The following RTN4RL1 variants were observed in gnomAD, a reference collection of about 807,000 sequenced individuals.
RTN4RL1 encodes the protein reticulon 4 receptor like 1.
RTN4RL1 carries 7 observed loss-of-function variants against 25.6 expected under a neutral mutation model. The observed-to-expected ratio is 0.27, with a 90% CI of 0.16 to 0.51. The LOEUF (loss-of-function observed/expected upper bound fraction) is 0.51, where lower values mean the gene tolerates loss of function less well. Ranked by LOEUF, RTN4RL1 falls within the 20% of genes least tolerant of loss-of-function variation. The pLI, the probability that RTN4RL1 is intolerant of heterozygous loss-of-function variation, is 0.97. For missense variants in RTN4RL1, 500 were observed against 615.6 expected, an observed-to-expected ratio of 0.81 and a Z score of 1.99; for synonymous variants, 297 against 288.2, an observed-to-expected ratio of 1.03 and a Z score of -0.31.
intron 1 of RTN4RL1, among the ~76,000 whole-genome samples, chr17:1,993,227 G>A (rs1266307506): frequency 6.6e-6 from 1 of 152,118 alleles, no homozygotes; most frequent in African/African-American, 2.4e-5. Context: ...CAGCCTGGGT[G>A]ACAGAGCGAA....
chr17:1,953,188 G>A (rs546112919), intron 1 of RTN4RL1, among the ~76,000 whole-genome samples: 2 of 152,102 alleles, frequency 1.3e-5, no homozygotes, highest in South Asian at 4.1e-4. Flanking sequence ...TGGGAGGATT[G>A]TTTGAGCCCA....
intron 1 of RTN4RL1, among the ~76,000 whole-genome samples, chr17:1,957,647 C>T (rs1367701127): frequency 2.0e-5 from 3 of 151,698 alleles, no homozygotes; most frequent in Admixed American, 6.6e-5. Context: ...TTGACACCAG[C>T]GTGGCCAACA....
rs538870581 is a variant in RTN4RL1 at position 1,965,114 on chromosome 17, C to CT, written c.14-27307dup. Among the ~76,000 whole-genome samples, 270 of 137,738 alleles carry CT rather than the reference C, an allele frequency of 2.0e-3. 3 individuals carry two copies. The highest frequency in any genetic ancestry group is 4.1e-3 in the African/African-American group (152 of 37,304). 90.4% of individuals were successfully genotyped at this position (137,738 alleles called of 152,430 possible). A position where few individuals can be genotyped will look rare whatever the true frequency, so the allele number is the denominator to read the frequency against. Reference sequence around the variant, plus strand: ...CAGTTTGCTTTTCTTTTCTTTCTTTCTTTTTTTTTTTTGAGACGTTGTTTC... The same window carrying CT: ...CAGTTTGCTTTTCTTTTCTTTCTTTCTTTTTTTTTTTTTGAGACGTTGTTTC... On this transcript the variant is annotated intron_variant, in intron 1 of 1. Transcript: ENST00000331238.
At chr17:2,002,329 G>T (rs937364804) in intron 1 of RTN4RL1, among the ~76,000 whole-genome samples, 2 of 140,466 alleles carry the variant, frequency 1.4e-5, no homozygotes, top group African/African-American at 2.7e-5. Context: ...GTCTTGCTCT[G>T]TCGCCCAGGC....
chr17:1,968,021 C>A (rs1311652199), intron 1 of RTN4RL1, among the ~76,000 whole-genome samples: 2 of 152,140 alleles, frequency 1.3e-5, no homozygotes, highest in Non-Finnish European at 2.9e-5. Flanking sequence ...TGACACAACG[C>A]CCACCCGGGA....
chr17:2,019,880 A>G (rs1350110545), intron 1 of RTN4RL1: 2 of 152,110 alleles, frequency 1.3e-5, no homozygotes, highest in African/African-American at 4.8e-5. Context: ...ACCAAAACAC[A>G]TTTTCTATGT....
intron 1 of RTN4RL1, among the ~76,000 whole-genome samples, chr17:2,008,223 T>C (rs1334645719): frequency 6.6e-6 from 1 of 150,490 alleles, no homozygotes; most frequent in East Asian, 1.9e-4. Flanking sequence ...GAGCCGAGAT[T>C]GCGCCATTGC....
intron 1 of RTN4RL1, among the ~76,000 whole-genome samples, chr17:1,944,608 C>A (rs1420119603): frequency 6.6e-6 from 1 of 152,222 alleles, no homozygotes; most frequent in East Asian, 1.9e-4. Flanking sequence ...AGGTGCCCAC[C>A]ACCACACCCG....
chr17:2,022,911 C>T (rs1300056478), intron 1 of RTN4RL1, among the ~76,000 whole-genome samples: 6 of 152,150 alleles, frequency 3.9e-5, no homozygotes, highest in Non-Finnish European at 4.4e-5. Context: ...TAAGGAGCCT[C>T]CCCCCGGGGA....
In RTN4RL1 at chr17:1,935,697, G is replaced by A; in HGVS notation, c.*799C>T. On this transcript the variant is annotated 3_prime_UTR_variant, in exon 2 of 2. Coordinates refer to ENST00000331238, the MANE Select transcript of RTN4RL1 (RefSeq NM_178568.4). Reference sequence around the variant, plus strand: ...CAGTTAGGTAACGGAGTGGGAGGGGGACTGTGCATTTGTGTATATATATAT... The same window carrying A: ...CAGTTAGGTAACGGAGTGGGAGGGGAACTGTGCATTTGTGTATATATATAT... The A allele has an allele frequency of 8.9e-6, 7 of 786,614 alleles. No individual in the cohort carries two copies. Among genetic ancestry groups the A allele is most frequent in the Non-Finnish European group, 1.1e-5 (7 of 659,022 alleles). The allele number at this position is 786,614 out of a possible 1,614,324, so 48.7% of individuals were successfully genotyped here.
intron 1 of RTN4RL1, 106 bp downstream of exon 1, chr17:2,024,747 G>T: frequency 2.6e-6 from 3 of 1,160,010 alleles, no homozygotes; most frequent in Admixed American, 5.6e-5. Context: ...CCAGCCCGCC[G>T]GGGGCTACTT....
chr17:1,974,100 A>T (rs1333488925), intron 1 of RTN4RL1, among the ~76,000 whole-genome samples: 1 of 150,446 alleles, frequency 6.6e-6, no homozygotes, highest in Non-Finnish European at 1.5e-5. Context: ...TTTAGTTCTC[A>T]CTACCACCAC....
At chr17:1,995,783 G>C (rs1423008948) in intron 1 of RTN4RL1, 1 of 152,280 alleles carries the variant, frequency 6.6e-6, no homozygotes, top group Non-Finnish European at 1.5e-5. Context: ...ACTGGTGAGA[G>C]ATGGCCTATG....
intron 1 of RTN4RL1, among the ~76,000 whole-genome samples, chr17:1,977,983 C>T (rs963839885): frequency 2.0e-5 from 3 of 150,882 alleles, no homozygotes; most frequent in African/African-American, 7.3e-5. Context: ...CCCCTCATCC[C>T]GCATCTTGCA....
At chr17:2,024,068 C>A (rs2067244401) in intron 1 of RTN4RL1, among the ~76,000 whole-genome samples, 1 of 152,154 alleles carries the variant, frequency 6.6e-6, no homozygotes, top group African/African-American at 2.4e-5. Flanking sequence ...GACGGCGCCC[C>A]GCGTGGCAAC....
chr17:1,996,846 C>T (rs866602100), intron 1 of RTN4RL1, among the ~76,000 whole-genome samples: 2 of 152,224 alleles, frequency 1.3e-5, no homozygotes, highest in Non-Finnish European at 2.9e-5. Context: ...ACGGGGGCCA[C>T]CCCAGCCTCT....
At chr17:1,976,437 T>G (rs2066843009) in intron 1 of RTN4RL1, among the ~76,000 whole-genome samples, 1 of 152,346 alleles carries the variant, frequency 6.6e-6, no homozygotes, top group South Asian at 2.1e-4. Context: ...GAAAGGATCT[T>G]CTCTCTGCAT....
At position 1,935,228 on chromosome 17, in the gene RTN4RL1, G is replaced by A. The variant is rs1285232469; in HGVS notation, c.*1268C>T. On this transcript the variant is annotated 3_prime_UTR_variant, in exon 2 of 2. Coordinates refer to ENST00000331238, the MANE Select transcript of RTN4RL1 (RefSeq NM_178568.4). ...TCCGACCCTTTGGACTAACACTGTG[G>A]ATGCTGCCTGGCCTGCTGGTTTCCA... The A allele has an allele frequency of 6.5e-6, 1 of 153,124 alleles. No homozygotes were observed. The highest frequency in any genetic ancestry group is 1.9e-4 in the East Asian group (1 of 5,202). The allele number at this position is 153,124 out of a possible 1,614,324, so 9.5% of individuals were successfully genotyped here.
Position 1,936,346 on chromosome 17 carries a change from T to C in RTN4RL1, c.*150A>G, listed in dbSNP as rs1305100347. 2 of 1,429,764 alleles carry C rather than the reference T, an allele frequency of 1.4e-6. No homozygotes were observed. The highest frequency in any genetic ancestry group is 2.9e-5 in the African/African-American group (2 of 69,186). The allele number at this position is 1,429,764 out of a possible 1,614,324, so 88.6% of individuals were successfully genotyped here. ...GTACACTTTGGGTTTATAATCCACA[T>C]GGCAGGGTCCAGACGTCCAGACAGC... is the stretch of plus-strand genomic sequence containing the variant. On this transcript the variant is annotated 3_prime_UTR_variant, in exon 2 of 2. Transcript: ENST00000331238.
Sources: gnomAD v4.1 joint callset for allele counts (sites outside exome capture counted in the v4.1 genomes callset) on GRCh38, gnomAD v4.1.1 for gene constraint, MANE v1.5 for transcripts, NCBI Gene and HGNC (gene_info 2026-07-23, HGNC 2026-07-21) for gene names.